Variants in ARL14EPL observed in about 807,000 individuals in gnomAD.
The protein encoded by ARL14EPL is ARL14 effector protein-like.
In ARL14EPL, 17 loss-of-function variants were observed where a neutral mutation model predicts 15.9. The observed-to-expected ratio is 1.07, with a 90% CI of 0.73 to 1.60. The LOEUF (loss-of-function observed/expected upper bound fraction) is 1.60, where lower values mean the gene tolerates loss of function less well. Among genes scored for constraint, ARL14EPL ranks in the 40% most tolerant of loss-of-function variants. The probability of loss-of-function intolerance (pLI) is 0.00; values close to 1 mark genes in which losing one functional copy is unlikely to be tolerated. For missense variants in ARL14EPL, 214 were observed against 185.9 expected, an observed-to-expected ratio of 1.15 and a Z score of -0.88; for synonymous variants, 78 against 63.8, an observed-to-expected ratio of 1.22 and a Z score of -1.06.
Position 116,043,001 on chromosome 5 carries a change from G to A in ARL14EPL, c.-9-8456G>A, listed in dbSNP as rs147253781. On this transcript the variant is annotated intron_variant, in intron 1 of 3. Transcript: ENST00000686077. ...TAGTACTACATGTACTATGTACTAC[G>A]GTACTTGGGGATGTACTATAGTTTT... 1.5e-3 allele frequency among the ~76,000 whole-genome samples: 223 copies of A among 151,784 alleles called. 1 individual carries two copies. Among genetic ancestry groups the A allele is most frequent in the African/African-American group, 5.0e-3 (206 of 41,408 alleles).
chr5:116,038,028 T>G (rs1749079557), intron 1 of ARL14EPL, among the ~76,000 whole-genome samples: 1 of 152,174 alleles, frequency 6.6e-6, no homozygotes, highest in East Asian at 1.9e-4. Flanking sequence ...AGCAGGAATA[T>G]TATGCTCCAA....
At chr5:116,051,869 T>C (rs1374508502) in intron 2 of ARL14EPL, 9 of 1,232,860 alleles carry the variant, frequency 7.3e-6, no homozygotes, top group Non-Finnish European at 9.3e-6. Flanking sequence ...TTTGATTTAA[T>C]AAAGTTTTAT....
intron 1 of ARL14EPL, 79 bp from the exon 2 acceptor site, chr5:116,051,378 A>C: frequency 3.6e-6 from 3 of 838,356 alleles, no homozygotes; most frequent in South Asian, 1.7e-5. Flanking sequence ...GTGTAGGGAG[A>C]GTAGAAAAGA....
At chr5:116,032,679 C>T (rs1748980476) in intron 1 of ARL14EPL, among the ~76,000 whole-genome samples, 174 bp downstream of exon 1, 1 of 152,084 alleles carries the variant, frequency 6.6e-6, no homozygotes, top group South Asian at 2.1e-4. Context: ...CAGGAAAAAC[C>T]GTAGTGTATA....
chr5:116,058,834 A>T lies in ARL14EPL; in HGVS notation c.346A>T (p.Asn116Tyr). The T allele has an allele frequency of 6.5e-7, 1 of 1,536,090 alleles. No homozygotes were observed. Among genetic ancestry groups the T allele is most frequent in the Non-Finnish European group, 8.7e-7 (1 of 1,146,894 alleles). ...CTGCTTCTACCCATGCCCGAAGTGTAACTCCAACAAGTGTGGGCCCGAGTG... is the reference window on the plus strand; with the variant it reads ...CTGCTTCTACCCATGCCCGAAGTGTTACTCCAACAAGTGTGGGCCCGAGTG... The part of the protein sequence containing the change: ...LGCFYPCPKC[N>Y]SNKCGPECRC... Residue 116 changes from asparagine (N) to tyrosine (Y), a missense_variant, in exon 4 of 4, where the codon AAC becomes TAC. Physicochemically the swap from Asn to Tyr is moderately radical, Grantham distance 143 (BLOSUM62 -2). Transcript: ENST00000686077.
At chr5:116,035,426 C>A (rs1749030963) in intron 1 of ARL14EPL, among the ~76,000 whole-genome samples, 1 of 152,220 alleles carries the variant, frequency 6.6e-6, no homozygotes, top group South Asian at 2.1e-4. Context: ...AGAATCTTAT[C>A]TTGAGAATCT....
chr5:116,043,341 A>G (rs79567054), intron 1 of ARL14EPL, among the ~76,000 whole-genome samples: 2,974 of 152,166 alleles, frequency 0.02, 100 homozygotes, highest in East Asian at 0.13. Context: ...TGAATCCTTC[A>G]TTTGAAAAAG....
chr5:116,033,290 A>G (rs1439516446), intron 1 of ARL14EPL, among the ~76,000 whole-genome samples: 2 of 152,150 alleles, frequency 1.3e-5, no homozygotes, highest in African/African-American at 4.8e-5. Flanking sequence ...GTACCTACAG[A>G]GCTATTCTAT....
intron 1 of ARL14EPL, among the ~76,000 whole-genome samples, chr5:116,042,437 A>G (rs1319087012): frequency 6.6e-6 from 1 of 152,194 alleles, no homozygotes; most frequent in East Asian, 1.9e-4. Flanking sequence ...GTAGTATTCT[A>G]TATCAGTGCC....
At chr5:116,034,958 A>G (rs1019350739) in intron 1 of ARL14EPL, among the ~76,000 whole-genome samples, 17 of 152,196 alleles carry the variant, frequency 1.1e-4, no homozygotes, top group Non-Finnish European at 2.4e-4. Flanking sequence ...TAGAATGTAG[A>G]AGTTTGGATG....
chr5:116,039,171 C>A (rs923981322), intron 1 of ARL14EPL, among the ~76,000 whole-genome samples: 1 of 152,090 alleles, frequency 6.6e-6, no homozygotes, highest in Non-Finnish European at 1.5e-5. Context: ...GGTCAGGTCC[C>A]GAACAGGGTT....
intron 3 of ARL14EPL, among the ~76,000 whole-genome samples, chr5:116,055,579 G>A (rs969377077): frequency 6.6e-6 from 1 of 151,634 alleles, no homozygotes; most frequent in Admixed American, 6.6e-5. Context: ...ATATGTTTAG[G>A]GATACCTACA....
chr5:116,051,910 T>G, intron 2 of ARL14EPL: 2 of 1,531,762 alleles, frequency 1.3e-6, no homozygotes, highest in South Asian at 1.1e-5. Context: ...TTGGACCTAT[T>G]CATGCATCTT....
chr5:116,053,212 C>G (rs1183601884), intron 2 of ARL14EPL, among the ~76,000 whole-genome samples: 1 of 151,956 alleles, frequency 6.6e-6, no homozygotes, highest in African/African-American at 2.4e-5. Flanking sequence ...ATTAGCCAAG[C>G]ATGGTGGTGC....
Position 116,036,621 on chromosome 5 carries a change from T to C in ARL14EPL, c.-10+4116T>C, listed in dbSNP as rs374841191. 5.3e-4 allele frequency among the ~76,000 whole-genome samples: 80 copies of C among 152,342 alleles called. 1 individual carries two copies. The South Asian group carries it at 0.016, about 30-fold the overall frequency. ...GGTTTCTACTTGCATTGAAAAATTATAGAATGTGCAGGAATTACAACCTAA... is the reference window on the plus strand; with the variant it reads ...GGTTTCTACTTGCATTGAAAAATTACAGAATGTGCAGGAATTACAACCTAA... On this transcript the variant is annotated intron_variant, in intron 1 of 3. Transcript: ENST00000686077.
chr5:116,051,305 A>G (rs1228623646), intron 1 of ARL14EPL, 152 bp from the exon 2 acceptor site: 2 of 587,924 alleles, frequency 3.4e-6, no homozygotes, highest in Non-Finnish European at 5.9e-6. Context: ...GCAAGGTTTA[A>G]CAGTGAGTGG....
At chr5:116,038,156 A>G (rs890158357) in intron 1 of ARL14EPL, among the ~76,000 whole-genome samples, 2 of 152,210 alleles carry the variant, frequency 1.3e-5, no homozygotes, top group African/African-American at 4.8e-5. Context: ...TACTATTCAC[A>G]GTGAAAAATG....
intron 1 of ARL14EPL, among the ~76,000 whole-genome samples, chr5:116,046,963 T>C (rs1749278765): frequency 6.6e-6 from 1 of 152,138 alleles, no homozygotes; most frequent in Non-Finnish European, 1.5e-5. Context: ...TGTCTTTCTC[T>C]GTGTGCATAC....
intron 1 of ARL14EPL, among the ~76,000 whole-genome samples, chr5:116,034,975 T>A (rs1749023036): frequency 1.3e-5 from 2 of 151,926 alleles, no homozygotes; most frequent in South Asian, 4.2e-4. Flanking sequence ...GATGAAGGAG[T>A]ATAAGATTTT....
Sources: allele counts gnomAD v4.1 joint callset (sites outside exome capture counted in the v4.1 genomes callset), GRCh38; gene constraint gnomAD v4.1.1; transcripts MANE v1.5; gene names NCBI Gene and HGNC (gene_info 2026-07-23, HGNC 2026-07-21).